ATP2B1: variants seen among roughly 807,000 people sequenced by gnomAD.
ATP2B1 encodes the protein ATPase plasma membrane Ca2+ transporting 1, also known as plasma membrane calcium-transporting ATPase 1.
In ATP2B1, 14 loss-of-function variants were observed where a neutral mutation model predicts 124.2. The ratio of observed to expected loss-of-function variants is 0.11; its 90% CI spans 0.07 to 0.18. ATP2B1 has a LOEUF of 0.18. ATP2B1 is among the 10% of genes least tolerant of loss of function. The probability of loss-of-function intolerance (pLI) is 1.00; values close to 1 mark genes in which losing one functional copy is unlikely to be tolerated. For missense variants in ATP2B1, 763 were observed against 1,466.1 expected (o/e 0.52, Z 7.83); for synonymous variants, 449 against 492.4 (o/e 0.91, Z 1.17).
At chr12:89,689,013 T>C (rs575943298) in intron 1 of ATP2B1, among the ~76,000 whole-genome samples, 3 of 152,112 alleles carry the variant, frequency 2.0e-5, no homozygotes, top group African/African-American at 7.2e-5. Flanking sequence ...TTCTCTTTGA[T>C]AGTTCAGAAC....
intron 6 of ATP2B1, 85 bp from the exon 7 acceptor site, chr12:89,627,801 A>C (rs964788704): frequency 2.1e-6 from 3 of 1,395,456 alleles, no homozygotes; most frequent in Non-Finnish European, 3.0e-6. Context: ...TCACATTTCT[A>C]TAACAGTTGT....
intron 11 of ATP2B1, among the ~76,000 whole-genome samples, chr12:89,617,735 T>C (rs1485319488): frequency 1.3e-5 from 2 of 152,180 alleles, no homozygotes; most frequent in Non-Finnish European, 2.9e-5. Flanking sequence ...TCTTCTGTTT[T>C]GTTTTTCAAA....
At chr12:89,697,881 TC>T (rs534438159) in intron 1 of ATP2B1, among the ~76,000 whole-genome samples, 1,800 of 152,090 alleles carry the variant, frequency 0.012, 13 homozygotes, top group Non-Finnish European at 0.019. Flanking sequence ...TATATATCTT[TC>T]CCCCACCTGC....
At chr12:89,619,958 C>T (rs1879698930) in intron 11 of ATP2B1, 41 bp downstream of exon 11, 2 of 1,605,876 alleles carry the variant, frequency 1.2e-6, no homozygotes, top group Non-Finnish European at 1.7e-6. Context: ...CATAAAGCAA[C>T]TATAGTCAGC....
At chr12:89,635,273 GC>G (rs1183579774) in intron 3 of ATP2B1, 22 bp from the exon 4 acceptor site, 1 of 1,599,944 alleles carries the variant, frequency 6.3e-7, no homozygotes, top group Non-Finnish European at 8.5e-7. Flanking sequence ...GAAAGAAAAT[GC>G]TTATCAAAAA....
intron 1 of ATP2B1, among the ~76,000 whole-genome samples, chr12:89,687,571 G>A (rs1323951148): frequency 6.6e-6 from 1 of 152,006 alleles, no homozygotes; most frequent in African/African-American, 2.4e-5. Flanking sequence ...TGGAAACTGA[G>A]GGACAACTGT....
intron 5 of ATP2B1, among the ~76,000 whole-genome samples, chr12:89,632,341 C>T (rs1006924292): frequency 6.6e-6 from 1 of 152,168 alleles, no homozygotes; most frequent in African/African-American, 2.4e-5. Context: ...TACTGAGTAA[C>T]TTATCCAATA....
intron 20 of ATP2B1, chr12:89,598,575 G>A (rs918756481): frequency 1.9e-6 from 3 of 1,608,762 alleles, no homozygotes; most frequent in Non-Finnish European, 1.7e-6. Context: ...CATGCACTTA[G>A]GAACACACAC....
intron 15 of ATP2B1, among the ~76,000 whole-genome samples, chr12:89,607,867 C>G (rs576170168): frequency 6.6e-6 from 1 of 152,218 alleles, no homozygotes. Flanking sequence ...TTGGTTGATT[C>G]TGCGGATGCA....
At chr12:89,641,843 T>C (rs2136238942) in intron 3 of ATP2B1, 1 of 221,802 alleles carries the variant, frequency 4.5e-6, no homozygotes. Context: ...CACAGTATAG[T>C]GTTCTAAAAA....
At position 89,601,332 on chromosome 12, in the gene ATP2B1, C is replaced by A; in HGVS notation, c.3162G>T (p.Trp1054Cys). Reference protein sequence around the residue: ...SIFLGMGTLLWGQLISTIPTS... With the variant: ...SIFLGMGTLLCGQLISTIPTS... ...AAACTGATGAAATTTTTACCTGGCC[C>A]CAGAGTAATGTTCCCATTCCTAGGA... The change falls in exon 19 of 21, where the codon TGG (tryptophan) becomes TGT (cysteine). Residue 1054 changes from tryptophan (W) to cysteine (C), a missense_variant. Around this residue, in one of 7 missense-constraint regions of ATP2B1, gnomAD observed 118 missense variants for 240.3 expected, o/e 0.49. Coordinates refer to ENST00000428670, the MANE Select transcript of ATP2B1 (RefSeq NM_001366521.1). The A allele has an allele frequency of 6.4e-7, 1 of 1,556,796 alleles. No homozygotes were observed. Among genetic ancestry groups the A allele is most frequent in the Admixed American group, 2.2e-5 (1 of 44,610 alleles).
chr12:89,598,825 TATAAAA>T (rs1875211098), intron 20 of ATP2B1: 15 of 1,536,252 alleles, frequency 9.8e-6, no homozygotes, highest in Non-Finnish European at 1.3e-5. Flanking sequence ...TCTATCAACA[TATAAAA>T]AGAAAAAGGC....
At chr12:89,648,589 A>C (rs1243247679) in intron 2 of ATP2B1, among the ~76,000 whole-genome samples, 4 of 152,262 alleles carry the variant, frequency 2.6e-5, no homozygotes, top group African/African-American at 9.6e-5. Flanking sequence ...AGCAGAGGGT[A>C]AAGTCTGGAA....
At chr12:89,665,991 C>T (rs1031094530) in intron 1 of ATP2B1, among the ~76,000 whole-genome samples, 3 of 152,152 alleles carry the variant, frequency 2.0e-5, no homozygotes, top group Non-Finnish European at 4.4e-5. Context: ...CAGTTCTTCA[C>T]CAACTGAATA....
Position 89,588,494 on chromosome 12 carries a change from T to C in ATP2B1, c.*2490A>G, listed in dbSNP as rs1435051189. On this transcript the variant is annotated 3_prime_UTR_variant, in exon 21 of 21. Coordinates refer to ENST00000428670, the MANE Select transcript of ATP2B1 (RefSeq NM_001366521.1). ...TTAGAGGATAAAAGAGAAAAAGTGA[T>C]TGAATTACAGATTTCAGCTATACAT... The C allele has an allele frequency of 1.3e-5, 2 of 152,582 alleles. No homozygotes were observed. The highest frequency in any genetic ancestry group is 4.8e-5 in the African/African-American group (2 of 41,446). 9.5% of individuals were successfully genotyped at this position (152,582 alleles called of 1,614,324 possible).
chr12:89,610,377 T>C (rs1877773979), intron 14 of ATP2B1, 44 bp downstream of exon 14: 1 of 1,476,544 alleles, frequency 6.8e-7, no homozygotes, highest in Non-Finnish European at 9.5e-7. Flanking sequence ...GCAGAACACA[T>C]TTCTGTATTA....
chr12:89,669,537 G>C lies in ATP2B1; in HGVS notation c.-221-13430C>G, dbSNP rs1003512171. Among the ~76,000 whole-genome samples, 3 of 152,092 alleles carry C rather than the reference G, an allele frequency of 2.0e-5. No homozygotes were observed. The South Asian group carries it at 6.2e-4, about 32-fold the overall frequency. On this transcript the variant is annotated intron_variant, in intron 1 of 20. Transcript: ENST00000428670. ...CCTGAACAACTTACGTAGTGCTTCA[G>C]CTTCCTCGTTTGTAGAATATGGATA...
At chr12:89,614,472 A>C (rs528885522) in intron 12 of ATP2B1, among the ~76,000 whole-genome samples, 1 of 152,202 alleles carries the variant, frequency 6.6e-6, no homozygotes, top group Non-Finnish European at 1.5e-5. Context: ...AATTTATCTT[A>C]ATCTCTCAAC....
chr12:89,608,868 CAT>C (rs1592729911), intron 15 of ATP2B1, among the ~76,000 whole-genome samples: 2 of 152,154 alleles, frequency 1.3e-5, no homozygotes, highest in East Asian at 3.9e-4. Context: ...CTATGCTTCA[CAT>C]GTCTTCAGAA....
Sources: allele counts gnomAD v4.1 joint callset (sites outside exome capture counted in the v4.1 genomes callset), GRCh38; gene constraint gnomAD v4.1.1; regional missense constraint gnomAD v4.1.1; transcripts MANE v1.5; gene names NCBI Gene and HGNC (gene_info 2026-07-23, HGNC 2026-07-21).